THSD4: variants seen among roughly 807,000 people sequenced by gnomAD.
THSD4 encodes the protein thrombospondin type 1 domain containing 4, also known as thrombospondin type-1 domain-containing protein 4.
THSD4 carries 69 observed loss-of-function variants against 119.0 expected under a neutral mutation model. The observed-to-expected ratio is 0.58, with a 90% CI of 0.48 to 0.71. The LOEUF (loss-of-function observed/expected upper bound fraction) is 0.71. Ranked by LOEUF, THSD4 falls within the 30% of genes least tolerant of loss-of-function variation. The probability of loss-of-function intolerance (pLI) is 0.00; values close to 1 mark genes in which losing one functional copy is unlikely to be tolerated. For missense variants in THSD4, 1,393 were observed against 1,391.1 expected (o/e 1.00, Z -0.02); for synonymous variants, 524 against 540.4 (o/e 0.97, Z 0.42).
intron 6 of THSD4, among the ~76,000 whole-genome samples, chr15:71,257,511 C>T (rs985820703): frequency 1.4e-4 from 21 of 152,026 alleles, no homozygotes; most frequent in Non-Finnish European, 2.4e-4. Context: ...AGCTTCAGCC[C>T]GAGGCAGTGG....
intron 7 of THSD4, among the ~76,000 whole-genome samples, chr15:71,435,212 C>G (rs545896297): frequency 6.6e-6 from 1 of 152,034 alleles, no homozygotes; most frequent in East Asian, 1.9e-4. Context: ...GGGACTGGTT[C>G]TCTGACTGGG....
chr15:71,731,298 C>G, intron 10 of THSD4, 81 bp downstream of exon 10: 1 of 1,362,468 alleles, frequency 7.3e-7, no homozygotes, highest in South Asian at 1.2e-5. Flanking sequence ...GTGCATCCAC[C>G]CTCTGTCTCT....
In THSD4 at chr15:71,737,754, G is replaced by A. The variant is rs1004003344; in HGVS notation, c.1653G>A (p.Met551Ile). The A allele has an allele frequency of 1.9e-6, 3 of 1,612,328 alleles. No individual in the cohort carries two copies. The highest frequency in any genetic ancestry group is 4.5e-5 in the East Asian group (2 of 44,894). ...TAGGGGAACCCTTCAATGGCCAGATGGTGACAGAAGGCAGGAGCCAGGAGG... is the reference window on the plus strand; with the variant it reads ...TAGGGGAACCCTTCAATGGCCAGATAGTGACAGAAGGCAGGAGCCAGGAGG... ...RRPGEPFNGQ[M>I]VTEGRSQEEG... Residue 551 changes from methionine to isoleucine, a missense_variant, in exon 11 of 18, where the codon ATG (methionine) becomes ATA (isoleucine). Met to Ile is a conservative substitution (Grantham distance 10, BLOSUM62 1). Coordinates refer to ENST00000261862, the MANE Select transcript of THSD4 (RefSeq NM_024817.3).
chr15:71,563,140 A>G (rs1010747972), intron 7 of THSD4, among the ~76,000 whole-genome samples: 2 of 152,094 alleles, frequency 1.3e-5, no homozygotes, highest in African/African-American at 2.4e-5. Context: ...ACATCGTCCT[A>G]TGGTGCACAG....
intron 17 of THSD4, among the ~76,000 whole-genome samples, chr15:71,775,347 C>A (rs1299949294): frequency 1.3e-5 from 2 of 152,082 alleles, no homozygotes; most frequent in Non-Finnish European, 2.9e-5. Flanking sequence ...AGTTCTTTCC[C>A]AAAGTAATCT....
intron 1 of THSD4, among the ~76,000 whole-genome samples, chr15:71,120,798 C>G (rs1488555033): frequency 1.3e-5 from 2 of 152,212 alleles, no homozygotes; most frequent in African/African-American, 4.8e-5. Flanking sequence ...GATGTTAACC[C>G]TTTAGGCCTT....
At chr15:71,214,861 G>A (rs774943770) in intron 3 of THSD4, among the ~76,000 whole-genome samples, 174 bp from the exon 4 acceptor site, 1 of 152,180 alleles carries the variant, frequency 6.6e-6, no homozygotes, top group Non-Finnish European at 1.5e-5. Context: ...TTGCCTTCGC[G>A]GGGCCCTCTT....
At chr15:71,221,915 GT>G (rs146576344) in intron 4 of THSD4, among the ~76,000 whole-genome samples, 4 of 151,092 alleles carry the variant, frequency 2.6e-5, no homozygotes, top group East Asian at 1.9e-4. Flanking sequence ...GTTATTTTCT[GT>G]TTTTTTTTGA....
At chr15:71,382,734 A>C (rs2046244019) in intron 6 of THSD4, among the ~76,000 whole-genome samples, 1 of 152,156 alleles carries the variant, frequency 6.6e-6, no homozygotes, top group Non-Finnish European at 1.5e-5. Context: ...AATAATTTTG[A>C]AGGGAGATGA....
intron 4 of THSD4, among the ~76,000 whole-genome samples, chr15:71,219,030 G>A (rs186650930): frequency 6.6e-6 from 1 of 151,856 alleles, no homozygotes; most frequent in South Asian, 2.1e-4. Context: ...TTTTTTTTAA[G>A]CAGAAGAATC....
chr15:71,591,047 A>T (rs978333704), intron 7 of THSD4, among the ~76,000 whole-genome samples: 22 of 149,064 alleles, frequency 1.5e-4, no homozygotes, highest in African/African-American at 5.1e-4. Flanking sequence ...AGTTGAAGAA[A>T]AAAAAGAATA....
chr15:71,717,715 C>T (rs563556851), intron 8 of THSD4, among the ~76,000 whole-genome samples: 44 of 152,112 alleles, frequency 2.9e-4, no homozygotes, highest in African/African-American at 9.4e-4. Flanking sequence ...GACAGAGGAG[C>T]GGTAATGGGG....
At chr15:71,122,758 C>G (rs2040418864) in intron 1 of THSD4, among the ~76,000 whole-genome samples, 1 of 152,138 alleles carries the variant, frequency 6.6e-6, no homozygotes, top group African/African-American at 2.4e-5. Flanking sequence ...CACCCTCTAT[C>G]AGGGATCTAG....
chr15:71,354,206 G>T (rs924995272), intron 6 of THSD4, among the ~76,000 whole-genome samples: 4 of 152,200 alleles, frequency 2.6e-5, no homozygotes, highest in Non-Finnish European at 5.9e-5. Flanking sequence ...GAGGCAGGAG[G>T]ATCACTTGAG....
At chr15:71,738,608 T>C (rs1054852779) in intron 11 of THSD4, among the ~76,000 whole-genome samples, 4 of 152,208 alleles carry the variant, frequency 2.6e-5, no homozygotes, top group Admixed American at 6.5e-5. Context: ...AGGCGCCAGC[T>C]TCCAGGTGTT....
intron 6 of THSD4, among the ~76,000 whole-genome samples, chr15:71,391,195 A>AT (rs989986031): frequency 1.4e-4 from 22 of 151,850 alleles, no homozygotes; most frequent in Non-Finnish European, 1.5e-5. Context: ...CGCCCAGCTA[A>AT]TTTTTTGTAT....
At chr15:71,339,030 T>C (rs1465302328) in intron 6 of THSD4, among the ~76,000 whole-genome samples, 3 of 152,154 alleles carry the variant, frequency 2.0e-5, no homozygotes, top group African/African-American at 7.2e-5. Flanking sequence ...CACTGTGTCT[T>C]GCTCCAGCCA....
At chr15:71,519,172 C>T (rs4595754) in intron 7 of THSD4, among the ~76,000 whole-genome samples, 94,093 of 151,536 alleles carry the variant, frequency 0.62, 29,806 homozygotes, top group African/African-American at 0.74. Flanking sequence ...AAACAGCAAG[C>T]GCAAAGGCCC....
Position 71,683,904 on chromosome 15 carries a change from G to A in THSD4, c.1357+23170G>A, listed in dbSNP as rs569624973. 2.4e-4 allele frequency among the ~76,000 whole-genome samples: 37 copies of A among 152,276 alleles called. No homozygotes were observed. The South Asian group carries it at 7.5e-3, about 31-fold the overall frequency. The stretch of plus-strand genomic sequence containing the variant: ...GCATGAGAATCACTTGAACCCAGGA[G>A]GCAAGGTTGCAGTGAGCCAAGATCA... On this transcript the variant is annotated intron_variant, in intron 8 of 17. Coordinates refer to ENST00000261862, the MANE Select transcript of THSD4 (RefSeq NM_024817.3).
Sources: allele counts gnomAD v4.1 joint callset (sites outside exome capture counted in the v4.1 genomes callset), GRCh38; gene constraint gnomAD v4.1.1; transcripts MANE v1.5; gene names NCBI Gene and HGNC (gene_info 2026-07-23, HGNC 2026-07-21).